Variants in CPB1 observed in about 807,000 individuals in gnomAD.
The protein encoded by CPB1 is carboxypeptidase B.
Under a neutral mutation model 51.4 loss-of-function variants are expected in CPB1, and 53 were observed. That is an observed-to-expected ratio of 1.03 (90% confidence interval 0.83 to 1.30). The LOEUF is 1.30. Among genes scored for constraint, CPB1 ranks in the 50% most tolerant of loss-of-function variants. The pLI is 0.00. For missense variants in CPB1, 494 were observed against 516.2 expected, an observed-to-expected ratio of 0.96 and a Z score of 0.42; for synonymous variants, 189 against 186.9, an observed-to-expected ratio of 1.01 and a Z score of -0.09.
intron 9 of CPB1, among the ~76,000 whole-genome samples, chr3:148,850,104 G>A (rs1263985952): frequency 6.6e-6 from 1 of 152,126 alleles, no homozygotes; most frequent in Non-Finnish European, 1.5e-5. Context: ...TATGATTCTG[G>A]CCCATTCTTT....
chr3:148,852,279 C>CCCCACT (rs1282865836), intron 9 of CPB1, among the ~76,000 whole-genome samples: 1 of 152,002 alleles, frequency 6.6e-6, no homozygotes, highest in Non-Finnish European at 1.5e-5. Flanking sequence ...TAATTTTGCC[C>CCCCACT]CCCACTCCCA....
rs146103952 is a variant in CPB1 at position 148,837,714 on chromosome 3, C to T, written c.273-2972C>T. ...TGGGAAGGATCATTTGAGGTCAGTC[C>T]CCCGCCTTCAAGCAGAAGTCAGCAA... On this transcript the variant is annotated intron_variant, in intron 3 of 10. Coordinates refer to ENST00000282957, the MANE Select transcript of CPB1 (RefSeq NM_001871.3). 3.9e-3 allele frequency among the ~76,000 whole-genome samples: 587 copies of T among 151,336 alleles called. 1 individual carries two copies. Among genetic ancestry groups the T allele is most frequent in the Non-Finnish European group, 7.1e-3 (479 of 67,878 alleles).
intron 10 of CPB1, 31 bp from the exon 11 acceptor site, chr3:148,859,784 G>GTT: frequency 6.5e-7 from 1 of 1,547,748 alleles, no homozygotes; most frequent in Non-Finnish European, 8.7e-7. Flanking sequence ...TAGATTTAAA[G>GTT]TTTTTTTTCA....
Position 148,827,877 on chromosome 3 carries a change from T to A in CPB1, c.54T>A (p.Gly18=). The A allele has an allele frequency of 6.2e-7, 1 of 1,614,156 alleles. No homozygotes were observed. The highest frequency in any genetic ancestry group is 8.5e-7 in the Non-Finnish European group (1 of 1,180,016). ...TGGCCCTGGCATCTGCTCATCATGG[T>A]GGTGAGCACTTTGAAGGGTAAGTAA... The part of the protein sequence containing the change: ...VTVALASAHH[G]GEHFEGEKVF... The change falls in exon 1 of 11, where the codon GGT becomes GGA. Residue 18 remains glycine (G), a synonymous_variant. Coordinates refer to ENST00000282957, the MANE Select transcript of CPB1 (RefSeq NM_001871.3).
rs1364028111 is a variant in CPB1 at position 148,844,658 on chromosome 3, C to T, written c.688-19C>T. The T allele has an allele frequency of 6.2e-7, 1 of 1,613,174 alleles. No individual in the cohort carries two copies. The highest frequency in any genetic ancestry group is 8.5e-7 in the Non-Finnish European group (1 of 1,179,306). ...CGCCTCTCTATTATATTTGTCCTAACTATGTAGTCCACTTTCAGAGCCGAT... is the reference window on the plus strand; with the variant it reads ...CGCCTCTCTATTATATTTGTCCTAATTATGTAGTCCACTTTCAGAGCCGAT... On this transcript the variant is annotated intron_variant, in intron 7 of 10. Transcript: ENST00000282957.
Position 148,845,645 on chromosome 3 carries a change from G to C in CPB1, c.981+19G>C, listed in dbSNP as rs1360448839. On this transcript the variant is annotated intron_variant, in intron 9 of 10. Coordinates refer to ENST00000282957, the MANE Select transcript of CPB1 (RefSeq NM_001871.3). Reference sequence around the variant, plus strand: ...TGAGTTGGTAAGTAGCAAAGTAGTAGGTATGACATTTTACTATTGAGATTT... The same window carrying C: ...TGAGTTGGTAAGTAGCAAAGTAGTACGTATGACATTTTACTATTGAGATTT... 8 of 1,573,070 alleles carry C rather than the reference G, an allele frequency of 5.1e-6. No homozygotes were observed. The highest frequency in any genetic ancestry group is 7.0e-6 in the Non-Finnish European group (8 of 1,144,954).
chr3:148,841,370 C>A (rs1713075145), intron 5 of CPB1, among the ~76,000 whole-genome samples: 1 of 152,176 alleles, frequency 6.6e-6, no homozygotes, highest in African/African-American at 2.4e-5. Flanking sequence ...CTGTCATTTT[C>A]TAACACCATT....
chr3:148,850,870 G>C (rs1054253396), intron 9 of CPB1: 1 of 152,088 alleles, frequency 6.6e-6, no homozygotes, highest in Admixed American at 6.5e-5. Flanking sequence ...ATCTGCTGCA[G>C]GAATTGTCTC....
At chr3:148,852,213 C>T (rs769092879) in intron 9 of CPB1, among the ~76,000 whole-genome samples, 2 of 152,106 alleles carry the variant, frequency 1.3e-5, no homozygotes, top group Non-Finnish European at 2.9e-5. Flanking sequence ...AATCTTTTTC[C>T]TAAAATAAAT....
intron 2 of CPB1, 119 bp from the exon 3 acceptor site, chr3:148,834,379 A>G: frequency 1.0e-6 from 1 of 996,732 alleles, no homozygotes. Context: ...TATTTTCAAC[A>G]GATTTCATGG....
At chr3:148,835,508 A>C (rs1384371792) in intron 3 of CPB1, among the ~76,000 whole-genome samples, 1 of 152,214 alleles carries the variant, frequency 6.6e-6, no homozygotes, top group Non-Finnish European at 1.5e-5. Context: ...AGCCAGAAAA[A>C]GACAAGGAAA....
At chr3:148,852,342 A>C (rs1027758712) in intron 9 of CPB1, among the ~76,000 whole-genome samples, 1 of 152,078 alleles carries the variant, frequency 6.6e-6, no homozygotes, top group Admixed American at 6.5e-5. Context: ...TTTGGTTGTC[A>C]TAACTGTCGA....
intron 10 of CPB1, among the ~76,000 whole-genome samples, chr3:148,859,129 C>T (rs3772587): frequency 0.39 from 58,969 of 152,016 alleles, 12,674 homozygotes; most frequent in East Asian, 0.54. Context: ...TTCCATTACA[C>T]TGTAAGACTT....
At chr3:148,837,723 C>T (rs1163682275) in intron 3 of CPB1, among the ~76,000 whole-genome samples, 1 of 151,800 alleles carries the variant, frequency 6.6e-6, no homozygotes, top group Non-Finnish European at 1.5e-5. Flanking sequence ...CCCCCGCCTT[C>T]AAGCAGAAGT....
At chr3:148,829,254 T>C (rs1712659059) in intron 2 of CPB1, among the ~76,000 whole-genome samples, 1 of 152,218 alleles carries the variant, frequency 6.6e-6, no homozygotes, top group Non-Finnish European at 1.5e-5. Context: ...CAGCTCAGTC[T>C]TTCTGTCTAT....
intron 9 of CPB1, chr3:148,855,326 C>G (rs1713542740): frequency 6.6e-6 from 1 of 152,038 alleles, no homozygotes; most frequent in Admixed American, 6.6e-5. Context: ...TCACATCAAC[C>G]TCAGATATTG....
chr3:148,845,527 C>T lies in CPB1; in HGVS notation c.882C>T (p.Leu294=), dbSNP rs772138022. ...KALADFIRNK[L]SSIKAYLTIH... ...TGGCTGATTTCATCCGCAACAAACT[C>T]TCTTCCATCAAGGCATATCTGACAA... Residue 294 remains leucine (L), a synonymous_variant, in exon 9 of 11, where the codon CTC becomes CTT. Coordinates refer to ENST00000282957, the MANE Select transcript of CPB1 (RefSeq NM_001871.3). 1.9e-6 allele frequency: 3 copies of T among 1,613,954 alleles called. No homozygotes were observed. Among genetic ancestry groups the T allele is most frequent in the East Asian group, 4.5e-5 (2 of 44,876 alleles).
intron 9 of CPB1, among the ~76,000 whole-genome samples, chr3:148,849,895 C>A (rs1713373368): frequency 6.6e-6 from 1 of 152,204 alleles, no homozygotes; most frequent in African/African-American, 2.4e-5. Flanking sequence ...TTCTAGGCTG[C>A]CTCAATTTCC....
chr3:148,857,929 C>CT lies in CPB1; in HGVS notation c.1066+392dup, dbSNP rs1559962864. Among the ~76,000 whole-genome samples, 6 of 152,046 alleles carry CT rather than the reference C, an allele frequency of 3.9e-5. No homozygotes were observed. The South Asian group carries it at 1.2e-3, about 32-fold the overall frequency. ...AAAAAGGGAGGAGGAGAAAAATATC[C>CT]TTTTCAACCCACAGAGACATTTCCT... On this transcript the variant is annotated intron_variant, in intron 10 of 10. Coordinates refer to ENST00000282957, the MANE Select transcript of CPB1 (RefSeq NM_001871.3).
Sources: gnomAD v4.1 joint callset for allele counts (sites outside exome capture counted in the v4.1 genomes callset) on GRCh38, gnomAD v4.1.1 for gene constraint, MANE v1.5 for transcripts, NCBI Gene and HGNC (gene_info 2026-07-23, HGNC 2026-07-21) for gene names.